DYSF: variants seen among roughly 807,000 people sequenced by gnomAD.
The protein encoded by DYSF is dysferlin, also known as dystrophy-associated fer-1-like 1.
In DYSF, 212 loss-of-function variants were observed where a neutral mutation model predicts 274.9. The observed-to-expected ratio is 0.77, with a 90% CI of 0.69 to 0.86. The LOEUF is 0.86. DYSF is among the 40% of genes least tolerant of loss of function. DYSF has a pLI of 0.00. For missense variants in DYSF, 2,666 were observed against 2,783.2 expected (o/e 0.96, Z 0.95); for synonymous variants, 1,091 against 1,078.7 (o/e 1.01, Z -0.22).
Position 71,576,616 on chromosome 2 carries a change from C to T in DYSF, c.3402+2245C>T, listed in dbSNP as rs557506963. 4.6e-5 allele frequency among the ~76,000 whole-genome samples: 7 copies of T among 152,320 alleles called. No homozygotes were observed. The South Asian group carries it at 6.2e-4, about 14-fold the overall frequency. ...TTGGCCCTGGCAAGGCTGACACACA[C>T]GGTGAAGTGCTGTGTGAGGGAGACA... On this transcript the variant is annotated intron_variant, in intron 30 of 55. Transcript: ENST00000410020.
At chr2:71,537,223 G>GTTTTGT (rs1553536523) in intron 16 of DYSF, among the ~76,000 whole-genome samples, 6,624 of 79,798 alleles carry the variant, frequency 0.083, 345 homozygotes, top group African/African-American at 0.11. Flanking sequence ...TTCTAGTTTT[G>GTTTTGT]TTTTTTTTTT....
chr2:71,565,525 C>A (rs1384774301), intron 24 of DYSF, among the ~76,000 whole-genome samples: 2 of 152,112 alleles, frequency 1.3e-5, no homozygotes, highest in Non-Finnish European at 2.9e-5. Context: ...TTCCCTACAT[C>A]TCTCCTCCCT....
chr2:71,538,479 G>T lies in DYSF; in HGVS notation c.1494-678G>T, dbSNP rs572162006. Among the ~76,000 whole-genome samples, 200 of 152,302 alleles carry T rather than the reference G, an allele frequency of 1.3e-3. 1 individual carries two copies. Among genetic ancestry groups the T allele is most frequent in the African/African-American group, 4.5e-3 (188 of 41,576 alleles). The stretch of plus-strand genomic sequence containing the variant: ...AGGAGTCAGGACGCCAGGGCTTCCG[G>T]CCTGGGCTTGCCCTTCCTCTCCTGA... On this transcript the variant is annotated intron_variant, in intron 16 of 55. Transcript: ENST00000410020.
intron 16 of DYSF, among the ~76,000 whole-genome samples, chr2:71,536,910 T>C (rs1030838473): frequency 5.9e-5 from 9 of 152,224 alleles, no homozygotes; most frequent in African/African-American, 2.2e-4. Flanking sequence ...TATGGCCTTT[T>C]CTCTGTAACT....
chr2:71,658,933 G>A lies in DYSF; in HGVS notation c.4811G>A (p.Arg1604Lys), dbSNP rs1490367402. ...GACCCAGCCATCCCCATGCCCCCAAGACAGTTCCACCAGCTGGCCGCCCAG... is the reference window on the plus strand; with the variant it reads ...GACCCAGCCATCCCCATGCCCCCAAAACAGTTCCACCAGCTGGCCGCCCAG... ...PEDPAIPMPP[R>K]QFHQLAAQGP... The change falls in exon 44 of 56, where the codon AGA (arginine) becomes AAA (lysine). Residue 1604 changes from arginine to lysine, a missense_variant. Transcript: ENST00000410020. 1.2e-6 allele frequency: 2 copies of A among 1,614,082 alleles called. No homozygotes were observed. The highest frequency in any genetic ancestry group is 1.7e-5 in the Admixed American group (1 of 60,018).
Position 71,481,988 on chromosome 2 carries a change from G to A in DYSF, c.239+18G>A, listed in dbSNP as rs2152682840. The A allele has an allele frequency of 6.2e-7, 1 of 1,606,742 alleles. No individual in the cohort carries two copies. Among genetic ancestry groups the A allele is most frequent in the African/African-American group, 1.3e-5 (1 of 74,886 alleles). ...AGGAACAGGTAAGGTGGCCAGAGGG[G>A]GGTGCTCCATGGCTTGAAGGTGCAG... is the stretch of plus-strand genomic sequence containing the variant. On this transcript the variant is annotated intron_variant, in intron 3 of 55. Coordinates refer to ENST00000410020, the MANE Select transcript of DYSF (RefSeq NM_001130987.2).
chr2:71,471,150 G>A (rs1018558786), intron 1 of DYSF, among the ~76,000 whole-genome samples: 6 of 152,048 alleles, frequency 3.9e-5, no homozygotes, highest in African/African-American at 1.4e-4. Flanking sequence ...ACAAACTACA[G>A]AAAGGCCATG....
At chr2:71,597,547 T>C (rs180858733) in intron 32 of DYSF, among the ~76,000 whole-genome samples, 1 of 152,250 alleles carries the variant, frequency 6.6e-6, no homozygotes, top group Admixed American at 6.5e-5. Flanking sequence ...AATCCGAGTC[T>C]CTGGGGGCAG....
intron 50 of DYSF, 66 bp from the exon 51 acceptor site, chr2:71,669,539 T>C (rs571497342): frequency 1.2e-5 from 20 of 1,600,172 alleles, no homozygotes; most frequent in East Asian, 8.9e-5. Flanking sequence ...TCTGCCTAAG[T>C]TGACGATGTA....
chr2:71,559,329 C>T (rs2091561992), intron 22 of DYSF, among the ~76,000 whole-genome samples: 1 of 151,730 alleles, frequency 6.6e-6, no homozygotes, highest in African/African-American at 2.4e-5. Flanking sequence ...CCAGCTCTGA[C>T]TGCCCTCCTC....
At chr2:71,665,326 A>T (rs1257465968) in intron 47 of DYSF, 22 bp downstream of exon 47, 1 of 1,613,796 alleles carries the variant, frequency 6.2e-7, no homozygotes, top group Non-Finnish European at 8.5e-7. Flanking sequence ...CATGACCCCA[A>T]ACCATGGTGG....
intron 16 of DYSF, 32 bp from the exon 17 acceptor site, chr2:71,539,125 G>A (rs1473457315): frequency 6.2e-7 from 1 of 1,600,082 alleles, no homozygotes. Context: ...TTCCTTTCCT[G>A]TGTTCAGGCC....
In DYSF at chr2:71,570,582, G is replaced by T. The variant is rs3764971; in HGVS notation, c.3086-17G>T. ...GGGAACTGCCAAGCAATGAGTGACC[G>T]GTTCCCCCTCCCCCAGGCTGGGAGT... On this transcript the variant is annotated splice_polypyrimidine_tract_variant and intron_variant, in intron 28 of 55. Coordinates refer to ENST00000410020, the MANE Select transcript of DYSF (RefSeq NM_001130987.2). The T allele has an allele frequency of 2.7e-5, 43 of 1,612,098 alleles. No individual in the cohort carries two copies. Among genetic ancestry groups the T allele is most frequent in the Non-Finnish European group, 3.6e-5 (43 of 1,179,164 alleles).
rs558546499 is a variant in DYSF at position 71,466,756 on chromosome 2, C to G, written c.-87C>G. 2 of 1,412,442 alleles carry G rather than the reference C, an allele frequency of 1.4e-6. No individual in the cohort carries two copies. Among genetic ancestry groups the G allele is most frequent in the Admixed American group, 5.5e-5 (2 of 36,232 alleles). The allele number at this position is 1,412,442 out of a possible 1,614,324, so 87.5% of individuals were successfully genotyped here. ...CTCTCTTGGCGCGGCTGCCTGGGAG[C>G]CGGGCGCTTGCTGGGTGGGTGCTCG... On this transcript the variant is annotated 5_prime_UTR_variant, in exon 1 of 56. Transcript: ENST00000410020.
At position 71,664,339 on chromosome 2, in the gene DYSF, T is replaced by C. The variant is rs2094957368; in HGVS notation, c.5075T>C (p.Leu1692Pro). Residue 1692 changes from leucine (L) to proline (P), a missense_variant, in exon 46 of 56, where the codon CTC becomes CCC. This residue lies in a region of DYSF where 1,460 missense variants were observed against 1,502.1 expected (regional missense o/e 0.97). Transcript: ENST00000410020. ...ATCACTCTCTATGACTATGACCTCC[T>C]CTCCAAGGACGAAAAGATCGGTGAG... ...LKITLYDYDLLSKDEKIGETV... is the reference protein window; with the variant it reads ...LKITLYDYDLPSKDEKIGETV... 6.2e-7 allele frequency: 1 copy of C among 1,614,086 alleles called. No individual in the cohort carries two copies. Among genetic ancestry groups the C allele is most frequent in the Non-Finnish European group, 8.5e-7 (1 of 1,180,010 alleles).
At chr2:71,496,527 G>A (rs146774062) in intron 3 of DYSF, among the ~76,000 whole-genome samples, 14 of 152,278 alleles carry the variant, frequency 9.2e-5, no homozygotes, top group South Asian at 2.1e-4. Flanking sequence ...ACACTTACAC[G>A]TAGACATATA....
chr2:71,469,646 T>C (rs1201028010), intron 1 of DYSF, among the ~76,000 whole-genome samples: 1 of 152,188 alleles, frequency 6.6e-6, no homozygotes, highest in Non-Finnish European at 1.5e-5. Flanking sequence ...AAATAGACTA[T>C]GAGCTCTGGG....
At chr2:71,630,603 TGG>T (rs1299831490) in intron 41 of DYSF, among the ~76,000 whole-genome samples, 1 of 152,232 alleles carries the variant, frequency 6.6e-6, no homozygotes, top group African/African-American at 2.4e-5. Context: ...CATGTGACCT[TGG>T]TGGCTGGTCC....
intron 1 of DYSF, among the ~76,000 whole-genome samples, chr2:71,477,400 C>T (rs189345264): frequency 2.0e-5 from 3 of 152,220 alleles, no homozygotes; most frequent in East Asian, 3.9e-4. Flanking sequence ...TGGGGTTCAT[C>T]TGTAAGTTGC....
Sources: allele counts gnomAD v4.1 joint callset (sites outside exome capture counted in the v4.1 genomes callset), GRCh38; gene constraint gnomAD v4.1.1; regional missense constraint gnomAD v4.1.1; transcripts MANE v1.5; gene names NCBI Gene and HGNC (gene_info 2026-07-23, HGNC 2026-07-21).